GYPC: variants seen among roughly 807,000 people sequenced by gnomAD.
GYPC encodes the protein glycophorin C (Gerbich blood group).
GYPC carries 14 observed loss-of-function variants against 12.6 expected under a neutral mutation model. That is an observed-to-expected ratio of 1.11 (90% confidence interval 0.74 to 1.74). The LOEUF (loss-of-function observed/expected upper bound fraction) is 1.74, where lower values mean the gene tolerates loss of function less well. GYPC is among the 40% of genes most tolerant of loss of function. The pLI is 0.00. For missense variants in GYPC, 225 were observed against 172.1 expected, an observed-to-expected ratio of 1.31 and a Z score of -1.72; for synonymous variants, 78 against 62.1, an observed-to-expected ratio of 1.26 and a Z score of -1.20.
chr2:126,663,376 A>G (rs1682591746), intron 1 of GYPC, among the ~76,000 whole-genome samples: 1 of 152,158 alleles, frequency 6.6e-6, no homozygotes, highest in African/African-American at 2.4e-5. Context: ...TGCGGTGGAG[A>G]CAGCCCAGAA....
At chr2:126,672,617 G>T (rs533963084) in intron 1 of GYPC, among the ~76,000 whole-genome samples, 47 of 152,268 alleles carry the variant, frequency 3.1e-4, no homozygotes, top group African/African-American at 1.1e-3. Context: ...CCCCTCAACC[G>T]CAGCTCTGGG....
At chr2:126,659,700 C>T (rs1184831253) in intron 1 of GYPC, among the ~76,000 whole-genome samples, 4 of 152,036 alleles carry the variant, frequency 2.6e-5, no homozygotes, top group Admixed American at 6.5e-5. Flanking sequence ...ACTTAGATGC[C>T]GAGCCCTGGT....
chr2:126,672,141 A>G (rs1309118739), intron 1 of GYPC, among the ~76,000 whole-genome samples: 3 of 152,014 alleles, frequency 2.0e-5, no homozygotes, highest in Non-Finnish European at 2.9e-5. Flanking sequence ...AGATGAGGGG[A>G]CCACCTCCCG....
intron 1 of GYPC, among the ~76,000 whole-genome samples, chr2:126,659,212 A>C (rs886207474): frequency 6.6e-6 from 1 of 152,322 alleles, no homozygotes; most frequent in Middle Eastern, 3.4e-3. Flanking sequence ...AGTGAGACTG[A>C]GCATGTTTTC....
At chr2:126,672,618 C>G (rs944563306) in intron 1 of GYPC, among the ~76,000 whole-genome samples, 25 of 152,214 alleles carry the variant, frequency 1.6e-4, no homozygotes, top group African/African-American at 5.8e-4. Context: ...CCCTCAACCG[C>G]AGCTCTGGGT....
At chr2:126,670,912 C>G (rs527913771) in intron 1 of GYPC, among the ~76,000 whole-genome samples, 1 of 152,312 alleles carries the variant, frequency 6.6e-6, no homozygotes, top group East Asian at 1.9e-4. Context: ...GAATCTTTGC[C>G]ATAGAGACCG....
At chr2:126,680,102 T>TG in intron 1 of GYPC, 1 of 152,222 alleles carries the variant, frequency 6.6e-6, no homozygotes, top group South Asian at 2.1e-4. Flanking sequence ...ACAACTCCAG[T>TG]GGGGGGTCCA....
At chr2:126,658,763 A>G (rs1384929844) in intron 1 of GYPC, 1 of 152,196 alleles carries the variant, frequency 6.6e-6, no homozygotes, top group African/African-American at 2.4e-5. Flanking sequence ...AATGCATTTT[A>G]TATATTTTAC....
chr2:126,693,916 C>T lies in GYPC; in HGVS notation c.159C>T (p.Thr53=), dbSNP rs906210239. 6.2e-7 allele frequency: 1 copy of T among 1,612,130 alleles called. No individual in the cohort carries two copies. The highest frequency in any genetic ancestry group is 1.7e-5 in the Admixed American group (1 of 59,970). The change falls in exon 3 of 4, where the codon ACC becomes ACT. Residue 53 remains threonine, a synonymous_variant. Coordinates refer to ENST00000259254, the MANE Select transcript of GYPC (RefSeq NM_002101.5). Reference sequence around the variant, plus strand: ...CGGATGGCAGAATGGAGACCTCCACCCCCACCATAATGGACATTGTCGTCA... The same window carrying T: ...CGGATGGCAGAATGGAGACCTCCACTCCCACCATAATGGACATTGTCGTCA... ...GWPDGRMETS[T]PTIMDIVVIA...
intron 1 of GYPC, among the ~76,000 whole-genome samples, chr2:126,671,624 C>T (rs7592423): frequency 6.6e-6 from 1 of 152,306 alleles, no homozygotes; most frequent in South Asian, 2.1e-4. Context: ...GGAGTCCACA[C>T]TTCTGCTGAC....
chr2:126,668,160 G>A (rs148038248), intron 1 of GYPC, among the ~76,000 whole-genome samples: 22 of 152,278 alleles, frequency 1.4e-4, no homozygotes, highest in East Asian at 1.3e-3. Flanking sequence ...ACAAAAGAGC[G>A]TCACAACTAC....
rs6709803 is a variant in GYPC at position 126,690,187 on chromosome 2, G to A, written c.50-68G>A. On this transcript the variant is annotated intron_variant, in intron 1 of 3. Transcript: ENST00000259254. The stretch of plus-strand genomic sequence containing the variant: ...CACACCTGAGCAAAGGATGCAGCTT[G>A]GGCCAAGGTGCTGCTAGGCATGGAG... The A allele has an allele frequency of 0.56, 641,373 of 1,147,440 alleles. 181,664 individuals are homozygous for A. Among genetic ancestry groups the A allele is most frequent in the African/African-American group, 0.7 (46,278 of 66,060 alleles). The allele number at this position is 1,147,440 out of a possible 1,614,324, so 71.1% of individuals were successfully genotyped here.
chr2:126,691,322 C>T (rs1042810588), intron 2 of GYPC, among the ~76,000 whole-genome samples: 1 of 152,086 alleles, frequency 6.6e-6, no homozygotes, highest in Non-Finnish European at 1.5e-5. Flanking sequence ...GTGATCTGAC[C>T]CCTCCTGAGC....
At chr2:126,659,241 G>A (rs902046979) in intron 1 of GYPC, among the ~76,000 whole-genome samples, 2 of 152,194 alleles carry the variant, frequency 1.3e-5, no homozygotes, top group East Asian at 3.8e-4. Flanking sequence ...ATAAGAGGTT[G>A]TATTACTTTT....
rs573037595 is a variant in GYPC at position 126,677,806 on chromosome 2, A to T, written c.50-12449A>T. 1.3e-4 allele frequency among the ~76,000 whole-genome samples: 20 copies of T among 152,312 alleles called. No individual in the cohort carries two copies. In the South Asian group the frequency reaches 2.3e-3, roughly 17 times the overall value. ...TCTGGCACCAAAACGCATGCTCCCT[A>T]TGCCACCTATCAGGATGCACCCTTA... is the stretch of plus-strand genomic sequence containing the variant. On this transcript the variant is annotated intron_variant, in intron 1 of 3. Coordinates refer to ENST00000259254, the MANE Select transcript of GYPC (RefSeq NM_002101.5).
chr2:126,656,335 G>A (rs560492569), intron 1 of GYPC, 23 bp downstream of exon 1: 2 of 1,579,280 alleles, frequency 1.3e-6, no homozygotes, highest in African/African-American at 1.4e-5. Context: ...CGTGGGGAAG[G>A]GTCCTGGGGA....
At chr2:126,685,137 T>A (rs1420543183) in intron 1 of GYPC, among the ~76,000 whole-genome samples, 1 of 152,184 alleles carries the variant, frequency 6.6e-6, no homozygotes, top group African/African-American at 2.4e-5. Context: ...AGTAAACGCA[T>A]TTGACCTTTC....
At chr2:126,670,456 T>C (rs1005949084) in intron 1 of GYPC, among the ~76,000 whole-genome samples, 1 of 152,150 alleles carries the variant, frequency 6.6e-6, no homozygotes, top group African/African-American at 2.4e-5. Context: ...GGGGTACTGG[T>C]TTCACCCCCT....
rs189866607 is a variant in GYPC at position 126,682,550 on chromosome 2, G to A, written c.50-7705G>A. Among the ~76,000 whole-genome samples, 6 of 152,254 alleles carry A rather than the reference G, an allele frequency of 3.9e-5. No homozygotes were observed. The East Asian group carries it at 9.7e-4, about 25-fold the overall frequency. ...CGCTCACTCTCAGATGGTATCTCCC[G>A]CTTCTCCCCTCAGCTTCAGTTCCCT... On this transcript the variant is annotated intron_variant, in intron 1 of 3. Coordinates refer to ENST00000259254, the MANE Select transcript of GYPC (RefSeq NM_002101.5).
Sources: gnomAD v4.1 joint callset for allele counts (sites outside exome capture counted in the v4.1 genomes callset) on GRCh38, gnomAD v4.1.1 for gene constraint, MANE v1.5 for transcripts, NCBI Gene and HGNC (gene_info 2026-07-23, HGNC 2026-07-21) for gene names.